The following LSAMP variants were observed in gnomAD, a reference collection of about 807,000 sequenced individuals.
The protein encoded by LSAMP is limbic system associated membrane protein.
In LSAMP, 7 loss-of-function variants were observed where a neutral mutation model predicts 38.6. That is an observed-to-expected ratio of 0.18 (90% CI 0.10 to 0.34). LSAMP has a LOEUF of 0.34. LSAMP is among the 10% of genes least tolerant of loss of function. The pLI, the probability that LSAMP is intolerant of heterozygous loss-of-function variation, is 1.00. For synonymous variants in LSAMP, 154 were observed against 166.8 expected (o/e 0.92, Z 0.59); for missense variants, 313 against 420.0 (o/e 0.75, Z 2.23).
At chr3:116,143,167 C>T (rs554337660) in intron 1 of LSAMP, among the ~76,000 whole-genome samples, 2 of 151,686 alleles carry the variant, frequency 1.3e-5, no homozygotes, top group East Asian at 1.9e-4. Flanking sequence ...AAGTTAGAAA[C>T]GCCTTACAGG....
intron 1 of LSAMP, among the ~76,000 whole-genome samples, chr3:116,273,763 A>AT (rs1353439427): frequency 2.2e-5 from 3 of 135,936 alleles, no homozygotes; most frequent in African/African-American, 8.6e-5. Context: ...TAAAATTTTT[A>AT]TTTTGAATTA....
intron 3 of LSAMP, among the ~76,000 whole-genome samples, chr3:115,864,919 A>T (rs1219258861): frequency 6.6e-6 from 1 of 152,194 alleles, no homozygotes; most frequent in Non-Finnish European, 1.5e-5. Context: ...ATTTGTTTAT[A>T]TGAGAGAAAT....
intron 1 of LSAMP, among the ~76,000 whole-genome samples, chr3:116,329,217 C>G (rs1177057005): frequency 6.6e-6 from 1 of 152,140 alleles, no homozygotes; most frequent in Non-Finnish European, 1.5e-5. Flanking sequence ...ATCCTTACAA[C>G]AGCCCAGTGA....
At chr3:116,398,676 A>G (rs934181456) in intron 1 of LSAMP, among the ~76,000 whole-genome samples, 9 of 152,234 alleles carry the variant, frequency 5.9e-5, no homozygotes, top group Non-Finnish European at 1.3e-4. Flanking sequence ...TGGTAGAAGC[A>G]TAAAAGAGTC....
intron 3 of LSAMP, among the ~76,000 whole-genome samples, chr3:115,919,357 C>T (rs1433322464): frequency 3.9e-5 from 6 of 152,152 alleles, no homozygotes; most frequent in African/African-American, 1.4e-4. Context: ...GATAGCTTCT[C>T]AACTAGTTAA....
intron 3 of LSAMP, among the ~76,000 whole-genome samples, chr3:115,872,685 C>T (rs1328533044): frequency 6.6e-6 from 1 of 152,008 alleles, no homozygotes; most frequent in African/African-American, 2.4e-5. Flanking sequence ...AAACTATGTG[C>T]TAAGAATTCT....
chr3:115,985,780 G>T (rs1158741221), intron 3 of LSAMP, among the ~76,000 whole-genome samples: 2 of 152,154 alleles, frequency 1.3e-5, no homozygotes, highest in African/African-American at 4.8e-5. Context: ...CAACCATGTA[G>T]GTGAACTTGG....
rs1323472798 is a variant in LSAMP at position 116,354,849 on chromosome 3, G to A, written c.155+90028C>T. On this transcript the variant is annotated intron_variant, in intron 1 of 6. Transcript: ENST00000490035. Reference sequence around the variant, plus strand: ...TCTCTCTCTCTGGGTGTATATATGTGTGTGTGTGTGTGTGTGTGTGTGTGT... The same window carrying A: ...TCTCTCTCTCTGGGTGTATATATGTATGTGTGTGTGTGTGTGTGTGTGTGT... 3.3e-5 allele frequency among the ~76,000 whole-genome samples: 4 copies of A among 119,564 alleles called. No homozygotes were observed. The Admixed American group carries it at 3.5e-4, about 10-fold the overall frequency. The allele number at this position is 119,564 out of a possible 152,430, so 78.4% of individuals were successfully genotyped here. A position where few individuals can be genotyped will look rare whatever the true frequency, so the allele number is the denominator to read the frequency against.
chr3:116,343,685 G>C (rs1462209119), intron 1 of LSAMP, among the ~76,000 whole-genome samples: 1 of 151,706 alleles, frequency 6.6e-6, no homozygotes, highest in African/African-American at 2.4e-5. Context: ...CTAAACATAA[G>C]AACTATTTTG....
chr3:116,338,546 T>C (rs2047951443), intron 1 of LSAMP, among the ~76,000 whole-genome samples: 1 of 152,044 alleles, frequency 6.6e-6, no homozygotes, highest in African/African-American at 2.4e-5. Flanking sequence ...GAAGCATCTT[T>C]ATTCTTTTAT....
intron 1 of LSAMP, among the ~76,000 whole-genome samples, chr3:116,198,410 C>T (rs1473439286): frequency 6.6e-6 from 1 of 151,910 alleles, no homozygotes; most frequent in African/African-American, 2.4e-5. Context: ...AGTACTCCAA[C>T]AAAAAAGATT....
chr3:116,009,807 C>A (rs1244395647), intron 3 of LSAMP, among the ~76,000 whole-genome samples: 3 of 152,042 alleles, frequency 2.0e-5, no homozygotes, highest in African/African-American at 7.3e-5. Flanking sequence ...CCCACTATAG[C>A]ACAAGTTTAT....
intron 1 of LSAMP, among the ~76,000 whole-genome samples, chr3:116,134,855 T>A (rs1043232889): frequency 6.6e-6 from 1 of 152,192 alleles, no homozygotes; most frequent in Non-Finnish European, 1.5e-5. Context: ...AGGTACTCAA[T>A]AAATACTGCT....
chr3:116,212,302 A>G (rs531618417), intron 1 of LSAMP, among the ~76,000 whole-genome samples: 11 of 152,314 alleles, frequency 7.2e-5, no homozygotes, highest in African/African-American at 2.2e-4. Flanking sequence ...ACAAATTTTA[A>G]AGATGCTAAA....
chr3:116,357,761 T>G (rs569847987), intron 1 of LSAMP, among the ~76,000 whole-genome samples: 2 of 152,212 alleles, frequency 1.3e-5, no homozygotes, highest in South Asian at 4.1e-4. Flanking sequence ...AAAGCTAATA[T>G]AAGTAAATAA....
chr3:116,389,622 C>T (rs536233666), intron 1 of LSAMP, among the ~76,000 whole-genome samples: 11 of 151,976 alleles, frequency 7.2e-5, no homozygotes, highest in South Asian at 2.1e-4. Context: ...TCACAGGAAA[C>T]GATGTAGCAA....
At chr3:116,131,223 C>T (rs1002850836) in intron 1 of LSAMP, among the ~76,000 whole-genome samples, 2 of 152,120 alleles carry the variant, frequency 1.3e-5, no homozygotes, top group East Asian at 3.9e-4. Flanking sequence ...GATCTCCTGA[C>T]CTCATGATCC....
intron 1 of LSAMP, among the ~76,000 whole-genome samples, chr3:116,182,175 G>A (rs1559773203): frequency 2.0e-5 from 3 of 151,826 alleles, no homozygotes; most frequent in South Asian, 4.1e-4. Context: ...GGTACTGGTA[G>A]ATTCCAAGAG....
chr3:116,108,813 C>G (rs1271402250), intron 1 of LSAMP, among the ~76,000 whole-genome samples: 2 of 152,174 alleles, frequency 1.3e-5, no homozygotes, highest in African/African-American at 4.8e-5. Context: ...GGAGGAACGC[C>G]TGGCCGCTGC....
Sources: allele counts gnomAD v4.1 joint callset (sites outside exome capture counted in the v4.1 genomes callset), GRCh38; gene constraint gnomAD v4.1.1; transcripts MANE v1.5; gene names NCBI Gene and HGNC (gene_info 2026-07-23, HGNC 2026-07-21).